PTPRE: variants seen among roughly 807,000 people sequenced by gnomAD.
The protein encoded by PTPRE is receptor-type tyrosine-protein phosphatase epsilon.
In PTPRE, 51 loss-of-function variants were observed where a neutral mutation model predicts 102.0. That is an observed-to-expected ratio of 0.50 (90% confidence interval 0.40 to 0.63). The LOEUF is 0.63. PTPRE is among the 30% of genes least tolerant of loss of function. The probability of loss-of-function intolerance (pLI) is 0.00; values close to 1 mark genes in which losing one functional copy is unlikely to be tolerated. For synonymous variants in PTPRE, 345 were observed against 348.2 expected (o/e 0.99, Z 0.10); for missense variants, 752 against 915.1 (o/e 0.82, Z 2.30).
intron 2 of PTPRE, among the ~76,000 whole-genome samples, chr10:128,006,638 T>C (rs1455642179): frequency 1.3e-5 from 2 of 152,192 alleles, no homozygotes; most frequent in Admixed American, 6.5e-5. Flanking sequence ...TCAGGGATCA[T>C]GTTTTTGTCT....
rs184022963 is a variant in PTPRE, at chr10:128,083,229, G to A, written c.*323G>A. On this transcript the variant is annotated 3_prime_UTR_variant, in exon 21 of 21. Transcript: ENST00000254667. The stretch of plus-strand genomic sequence containing the variant: ...ATGTTGTAATCTTAATATGCGAAGT[G>A]TGCCTCTGCAAGATACTAACACAAA... The A allele has an allele frequency of 1.0e-4, 18 of 178,272 alleles. No individual in the cohort carries two copies. The highest frequency in any genetic ancestry group is 1.7e-4 in the East Asian group (1 of 5,900). The allele number at this position is 178,272 out of a possible 1,614,324, so 11.0% of individuals were successfully genotyped here.
intron 6 of PTPRE, among the ~76,000 whole-genome samples, chr10:128,052,406 C>T (rs1162024539): frequency 1.3e-5 from 2 of 152,134 alleles, no homozygotes; most frequent in African/African-American, 4.8e-5. Flanking sequence ...ATGCTGGAGT[C>T]GGCCTGAGTG....
chr10:127,924,426 A>G (rs1449081549), intron 1 of PTPRE, among the ~76,000 whole-genome samples: 3 of 152,158 alleles, frequency 2.0e-5, no homozygotes, highest in Non-Finnish European at 4.4e-5. Context: ...GGGTTTTGCC[A>G]TGTTGGCCAG....
Position 128,082,195 on chromosome 10 carries a change from CTTTTT to C in PTPRE, c.2029-613_2029-609del, listed in dbSNP as rs35709074. Among the ~76,000 whole-genome samples, 49 of 89,032 alleles carry C rather than the reference CTTTTT, an allele frequency of 5.5e-4. 3 individuals carry two copies. Among genetic ancestry groups the C allele is most frequent in the Non-Finnish European group, 6.3e-4 (29 of 46,366 alleles). The allele number at this position is 89,032 out of a possible 152,430, so 58.4% of individuals were successfully genotyped here. A position where few individuals can be genotyped will look rare whatever the true frequency, so the allele number is the denominator to read the frequency against. ...TTAGTACTCTGATTTTTTTCTCTTT[CTTTTT>C]TTTTTTTTTTTTTTTTTTTTTTTGA... On this transcript the variant is annotated intron_variant, in intron 20 of 20. Transcript: ENST00000254667.
chr10:127,945,898 A>T (rs1439933476), intron 1 of PTPRE, among the ~76,000 whole-genome samples: 1 of 152,102 alleles, frequency 6.6e-6, no homozygotes, highest in Non-Finnish European at 1.5e-5. Context: ...ATTGTAGCTC[A>T]TGAAGAAAAG....
intron 15 of PTPRE, chr10:128,071,188 C>T: frequency 2.2e-6 from 1 of 455,172 alleles, no homozygotes; most frequent in Non-Finnish European, 4.0e-6. Context: ...CAGGGGAGGG[C>T]TTCACAGAAG....
intron 1 of PTPRE, among the ~76,000 whole-genome samples, chr10:127,974,807 A>G (rs768799870): frequency 2.0e-5 from 3 of 152,192 alleles, no homozygotes; most frequent in Non-Finnish European, 2.9e-5. Context: ...CTATTCAGAA[A>G]TCACCAAATT....
intron 1 of PTPRE, among the ~76,000 whole-genome samples, chr10:127,945,283 G>A (rs1172747078): frequency 6.6e-6 from 1 of 152,178 alleles, no homozygotes; most frequent in East Asian, 1.9e-4. Flanking sequence ...GGGGGTGAGA[G>A]GGGTGACTTG....
chr10:128,007,381 A>T (rs1844588531), intron 2 of PTPRE, among the ~76,000 whole-genome samples: 1 of 152,256 alleles, frequency 6.6e-6, no homozygotes, highest in Non-Finnish European at 1.5e-5. Flanking sequence ...TTTAGAATCC[A>T]CAAACCACAC....
At chr10:128,050,800 G>A (rs114614232) in intron 6 of PTPRE, among the ~76,000 whole-genome samples, 3 of 152,282 alleles carry the variant, frequency 2.0e-5, no homozygotes, top group African/African-American at 7.2e-5. Flanking sequence ...CTCAGACAAT[G>A]GATTTTGTAA....
chr10:128,080,218 T>A (rs1334243856), intron 20 of PTPRE, among the ~76,000 whole-genome samples: 1 of 152,260 alleles, frequency 6.6e-6, no homozygotes, highest in African/African-American at 2.4e-5. Context: ...CAAGGACTCC[T>A]GCTTTCTGGT....
rs1850644808 is a variant in PTPRE, at chr10:128,070,191, T to C, written c.1144-110T>C. On this transcript the variant is annotated intron_variant, in intron 13 of 20. Transcript: ENST00000254667. This position sits in a 1 kb window ranked among gnomAD's most constrained non-coding sequence, Gnocchi z 4.8. The stretch of plus-strand genomic sequence containing the variant: ...ACTCTTGCCTCACACCTCCTTGTGT[T>C]GGCAAAAAGAGAAAAAGAAGAAAGC... 7.6e-7 allele frequency: 1 copy of C among 1,320,982 alleles called. No individual in the cohort carries two copies. Among genetic ancestry groups the C allele is most frequent in the Non-Finnish European group, 1.0e-6 (1 of 966,568 alleles). The allele number at this position is 1,320,982 out of a possible 1,614,324, so 81.8% of individuals were successfully genotyped here. A position where few individuals can be genotyped will look rare whatever the true frequency, so the allele number is the denominator to read the frequency against.
intron 1 of PTPRE, among the ~76,000 whole-genome samples, chr10:127,967,807 C>A (rs1190057373): frequency 6.6e-6 from 1 of 152,204 alleles, no homozygotes; most frequent in Non-Finnish European, 1.5e-5. Flanking sequence ...TCCCTTCATG[C>A]CTCCCTTCCA....
intron 3 of PTPRE, among the ~76,000 whole-genome samples, chr10:128,042,767 T>C (rs1847813860): frequency 6.6e-6 from 1 of 152,196 alleles, no homozygotes; most frequent in Non-Finnish European, 1.5e-5. Flanking sequence ...TCAGTACTCA[T>C]GCAGACAAAT....
intron 1 of PTPRE, among the ~76,000 whole-genome samples, chr10:127,949,301 A>G (rs1046144814): frequency 2.6e-5 from 4 of 152,108 alleles, no homozygotes; most frequent in African/African-American, 7.2e-5. Flanking sequence ...TGCATATTCT[A>G]TTAGTTCTGT....
At position 127,950,237 on chromosome 10, in the gene PTPRE, C is replaced by T. The variant is rs573845318; in HGVS notation, c.-30-32037C>T. On this transcript the variant is annotated intron_variant, in intron 1 of 20. Coordinates refer to ENST00000254667, the MANE Select transcript of PTPRE (RefSeq NM_006504.6). The stretch of plus-strand genomic sequence containing the variant: ...GGACTAACAGAGACATAAAGGGAGC[C>T]GACTGAATTTATTGATATGGACCCA... Among the ~76,000 whole-genome samples, 32 of 152,122 alleles carry T rather than the reference C, an allele frequency of 2.1e-4. 1 individual carries two copies. In the South Asian group the frequency reaches 5.6e-3, roughly 27 times the overall value.
intron 1 of PTPRE, among the ~76,000 whole-genome samples, chr10:127,928,083 A>G (rs1847160924): frequency 6.6e-6 from 1 of 152,202 alleles, no homozygotes; most frequent in South Asian, 2.1e-4. Context: ...TTTCTTCAAG[A>G]TTGTAAATTG....
intron 2 of PTPRE, among the ~76,000 whole-genome samples, chr10:128,025,538 G>A (rs1846231032): frequency 6.6e-6 from 1 of 152,202 alleles, no homozygotes; most frequent in South Asian, 2.1e-4. Context: ...ACAGTCAGGA[G>A]TAGGCCTGGG....
chr10:127,932,371 C>T (rs137991257), intron 1 of PTPRE, among the ~76,000 whole-genome samples: 6 of 152,204 alleles, frequency 3.9e-5, no homozygotes, highest in South Asian at 2.1e-4. Context: ...TGCAAACTTA[C>T]GTTAAGTGCT....
Sources: allele counts gnomAD v4.1 joint callset (sites outside exome capture counted in the v4.1 genomes callset), GRCh38; gene constraint gnomAD v4.1.1; non-coding constraint Gnocchi (gnomAD v3.1); transcripts MANE v1.5; gene names NCBI Gene and HGNC (gene_info 2026-07-23, HGNC 2026-07-21).